Variants in CNIH3 observed in about 807,000 individuals in gnomAD.
CNIH3 encodes protein cornichon homolog 3.
A neutral mutation model predicts 24.1 loss-of-function variants in CNIH3; 14 were observed. That is an observed-to-expected ratio of 0.58 (90% confidence interval 0.38 to 0.91). CNIH3 has a LOEUF of 0.91. CNIH3 is among the 40% of genes least tolerant of loss of function. CNIH3 has a pLI of 0.00. For synonymous variants in CNIH3, 68 were observed against 73.8 expected, an observed-to-expected ratio of 0.92 and a Z score of 0.40; for missense variants, 178 against 196.8, an observed-to-expected ratio of 0.90 and a Z score of 0.57.
chr1:224,585,295 C>T (rs753978922), intron 5 of CNIH3, among the ~76,000 whole-genome samples: 1 of 152,092 alleles, frequency 6.6e-6, no homozygotes, highest in African/African-American at 2.4e-5. Context: ...CCTTCCAGAC[C>T]CCGCAATCAC....
At chr1:224,488,466 T>TG (rs60333116) in intron 1 of CNIH3, among the ~76,000 whole-genome samples, 121,312 of 134,600 alleles carry the variant, frequency 0.9, 56,197 homozygotes, top group East Asian at 1. Flanking sequence ...AATTTTTTTT[T>TG]GGGGGGTGGG....
At position 224,448,039 on chromosome 1, in the gene CNIH3, T is replaced by C. The variant is rs371536005; in HGVS notation, n.203+13177T>C. On this transcript the variant is annotated intron_variant and non_coding_transcript_variant, in intron 1 of 5. Transcript: ENST00000471578. The stretch of plus-strand genomic sequence containing the variant: ...CATGCTGTTAACATTATATAGTCTT[T>C]CAAGTGGCAGCAGCAGATGGGGGCT... Among the ~76,000 whole-genome samples the C allele has an allele frequency of 4.6e-5, 7 of 152,104 alleles. No individual in the cohort carries two copies. The South Asian group carries it at 6.2e-4, about 14-fold the overall frequency.
intron 3 of CNIH3, among the ~76,000 whole-genome samples, chr1:224,727,297 A>T (rs1027154763): frequency 6.6e-6 from 1 of 152,186 alleles, no homozygotes; most frequent in Non-Finnish European, 1.5e-5. Context: ...CAACAACAAC[A>T]ACACTCAACT....
chr1:224,666,481 T>C (rs986693523), intron 1 of CNIH3, among the ~76,000 whole-genome samples: 17 of 152,190 alleles, frequency 1.1e-4, no homozygotes, highest in Admixed American at 1.1e-3. Context: ...TTTAGAAGAA[T>C]CTTAATAAAG....
At chr1:224,545,868 T>C (rs921056870) in intron 2 of CNIH3, among the ~76,000 whole-genome samples, 4 of 152,166 alleles carry the variant, frequency 2.6e-5, no homozygotes, top group African/African-American at 9.7e-5. Flanking sequence ...GGCTTCACTA[T>C]AGAAACGGAT....
At chr1:224,548,423 T>C (rs567055169) in intron 3 of CNIH3, among the ~76,000 whole-genome samples, 5 of 152,174 alleles carry the variant, frequency 3.3e-5, no homozygotes, top group Non-Finnish European at 5.9e-5. Context: ...TCACCCTGTG[T>C]GTACACCCTG....
At chr1:224,692,651 C>T (rs1686987727) in intron 3 of CNIH3, among the ~76,000 whole-genome samples, 1 of 152,114 alleles carries the variant, frequency 6.6e-6, no homozygotes, top group South Asian at 2.1e-4. Flanking sequence ...TCACAACAAC[C>T]CTATGAAGTA....
At chr1:224,671,291 G>T (rs951585854) in intron 1 of CNIH3, among the ~76,000 whole-genome samples, 1 of 152,226 alleles carries the variant, frequency 6.6e-6, no homozygotes, top group Admixed American at 6.5e-5. Context: ...CCAACCAGAG[G>T]CTCTGTGCTG....
chr1:224,605,720 C>T (rs983181595), intron 3 of CNIH3, among the ~76,000 whole-genome samples: 3 of 152,122 alleles, frequency 2.0e-5, no homozygotes, highest in Non-Finnish European at 2.9e-5. Flanking sequence ...GCGGCCCCCA[C>T]CCAGAAGGGG....
chr1:224,643,954 G>A lies in CNIH3; in HGVS notation c.81+26699G>A, dbSNP rs572258757. ...TCAGACCAGTTGAGGCCATCCTGGC[G>A]TTTCTGAGACTGGAAGTTGGGGGTT... On this transcript the variant is annotated intron_variant, in intron 1 of 5. Transcript: ENST00000272133. Among the ~76,000 whole-genome samples the A allele has an allele frequency of 7.9e-5, 12 of 152,266 alleles. No individual in the cohort carries two copies. In the East Asian group the frequency reaches 1.5e-3, roughly 20 times the overall value.
chr1:224,473,851 T>A (rs1382013870), intron 1 of CNIH3, among the ~76,000 whole-genome samples: 1 of 152,174 alleles, frequency 6.6e-6, no homozygotes, highest in East Asian at 1.9e-4. Flanking sequence ...ACACATTCTT[T>A]TCCTTAGCAC....
chr1:224,685,195 A>G (rs1686594965), intron 3 of CNIH3, among the ~76,000 whole-genome samples: 1 of 151,810 alleles, frequency 6.6e-6, no homozygotes, highest in Non-Finnish European at 1.5e-5. Flanking sequence ...GCTCAGGAAC[A>G]CTCCCCGCCG....
intron 3 of CNIH3, among the ~76,000 whole-genome samples, chr1:224,724,621 C>G (rs1221975759): frequency 6.6e-6 from 1 of 152,172 alleles, no homozygotes. Flanking sequence ...TCTCCACACT[C>G]TTTGGCTCCT....
chr1:224,572,241 T>A (rs952728094), intron 4 of CNIH3, among the ~76,000 whole-genome samples: 1 of 152,070 alleles, frequency 6.6e-6, no homozygotes, highest in Non-Finnish European at 1.5e-5. Flanking sequence ...CACAGCCCAG[T>A]GTGGTGGCTC....
rs1363483396 is a variant in CNIH3, at chr1:224,704,160, G to C, written c.198+19317G>C. 6.7e-6 allele frequency among the ~76,000 whole-genome samples: 1 copy of C among 149,690 alleles called. No homozygotes were observed. The highest frequency in any genetic ancestry group is 1.5e-5 in the Non-Finnish European group (1 of 68,014). On this transcript the variant is annotated intron_variant, in intron 3 of 5. Transcript: ENST00000272133. This position sits in a 1 kb window ranked among gnomAD's most constrained non-coding sequence, Gnocchi z 4.2. ...AAGGACGGTGTGTGTCCTGCCTGGT[G>C]TGAGCAGGCTGCATCACCTACAGAG... is the stretch of plus-strand genomic sequence containing the variant.
At chr1:224,712,392 G>C (rs915890293) in intron 3 of CNIH3, among the ~76,000 whole-genome samples, 1 of 152,170 alleles carries the variant, frequency 6.6e-6, no homozygotes. Context: ...CCTGCTGTGT[G>C]TTGTGGGTAT....
intron 1 of CNIH3, among the ~76,000 whole-genome samples, chr1:224,452,637 C>G (rs946527628): frequency 6.0e-5 from 9 of 151,226 alleles, no homozygotes; most frequent in African/African-American, 2.2e-4. Context: ...AAAACATTAG[C>G]CAGGTGTGGT....
At chr1:224,504,945 G>A (rs1677831182) in intron 1 of CNIH3, among the ~76,000 whole-genome samples, 1 of 149,622 alleles carries the variant, frequency 6.7e-6, no homozygotes, top group African/African-American at 2.5e-5. Flanking sequence ...TGTTTAATAT[G>A]AACGTTTTTA....
At chr1:224,531,918 T>C (rs999379906) in intron 2 of CNIH3, among the ~76,000 whole-genome samples, 2 of 152,138 alleles carry the variant, frequency 1.3e-5, no homozygotes, top group African/African-American at 4.8e-5. Flanking sequence ...TCTATAAACA[T>C]TTATTGCTCC....
Sources: gnomAD v4.1 joint callset for allele counts (sites outside exome capture counted in the v4.1 genomes callset) on GRCh38, gnomAD v4.1.1 for gene constraint, Gnocchi (gnomAD v3.1) non-coding constraint, MANE v1.5 for transcripts, NCBI Gene and HGNC (gene_info 2026-07-23, HGNC 2026-07-21) for gene names.